The following SMCHD1 variants were observed in gnomAD, a reference collection of about 807,000 sequenced individuals.
The protein encoded by SMCHD1 is structural maintenance of chromosomes flexible hinge domain-containing protein 1.
A neutral mutation model predicts 254.7 loss-of-function variants in SMCHD1; 78 were observed. The ratio of observed to expected loss-of-function variants is 0.31; its 90% CI spans 0.26 to 0.37. The LOEUF (loss-of-function observed/expected upper bound fraction) is 0.37, where lower values mean the gene tolerates loss of function less well. Among genes scored for constraint, SMCHD1 ranks in the 10% least tolerant of loss-of-function variants. SMCHD1 has a pLI of 1.00. For missense variants in SMCHD1, 1,840 were observed against 2,408.1 expected (o/e 0.76, Z 4.94); for synonymous variants, 766 against 794.9 (o/e 0.96, Z 0.61).
At chr18:2,662,462 T>C (rs538978922) in intron 1 of SMCHD1, among the ~76,000 whole-genome samples, 27 of 151,294 alleles carry the variant, frequency 1.8e-4, no homozygotes, top group African/African-American at 6.5e-4. Flanking sequence ...CTGGCCAACG[T>C]GGTGAAACTC....
rs369778016 is a variant in SMCHD1 at position 2,703,775 on chromosome 18, A to G, written c.1731A>G (p.Thr577=). 122 of 1,612,838 alleles carry G rather than the reference A, an allele frequency of 7.6e-5. No homozygotes were observed. The highest frequency in any genetic ancestry group is 1.0e-4 in the Admixed American group (6 of 59,810). The change falls in exon 13 of 48, where the codon ACA becomes ACG. Residue 577 remains threonine (T), a synonymous_variant. Coordinates refer to ENST00000320876, the MANE Select transcript of SMCHD1 (RefSeq NM_015295.3). ...AGTATGATAAACAAATAAAATTTAC[A>G]CTTTTTAAGGGAGTAATTACACGTC... ...HEKYDKQIKF[T]LFKGVITRPD... is the part of the protein sequence containing the mutation.
At chr18:2,673,428 G>A in intron 4 of SMCHD1, 65 bp downstream of exon 4, 1 of 1,017,666 alleles carries the variant, frequency 9.8e-7, no homozygotes, top group Non-Finnish European at 1.4e-6. Flanking sequence ...AAGTTTATTG[G>A]AGAAAATGAG....
In SMCHD1 at chr18:2,732,220, T is replaced by G. The variant is rs116202511; in HGVS notation, c.3049-45T>G. 31,129 of 1,465,522 alleles carry G rather than the reference T, an allele frequency of 0.021. 439 individuals carry two copies. The highest frequency in any genetic ancestry group is 0.074 in the Middle Eastern group (374 of 5,082). The allele number at this position is 1,465,522 out of a possible 1,614,324, so 90.8% of individuals were successfully genotyped here. Reference sequence around the variant, plus strand: ...GTAAATTCTTCAGGAGTGTAAAATTTCAGTACAGATATCACTCAGTGTTTG... The same window carrying G: ...GTAAATTCTTCAGGAGTGTAAAATTGCAGTACAGATATCACTCAGTGTTTG... On this transcript the variant is annotated intron_variant, in intron 24 of 47. Coordinates refer to ENST00000320876, the MANE Select transcript of SMCHD1 (RefSeq NM_015295.3).
intron 25 of SMCHD1, among the ~76,000 whole-genome samples, chr18:2,734,241 G>A (rs923893034): frequency 1.3e-5 from 2 of 152,074 alleles, no homozygotes; most frequent in South Asian, 4.1e-4. Flanking sequence ...GGTAAGTAGT[G>A]GTTTAATAGT....
intron 25 of SMCHD1, among the ~76,000 whole-genome samples, chr18:2,735,304 A>G (rs2075228150): frequency 6.6e-6 from 1 of 152,176 alleles, no homozygotes; most frequent in East Asian, 1.9e-4. Context: ...AATGAGAACC[A>G]TCCATGACAA....
intron 44 of SMCHD1, among the ~76,000 whole-genome samples, chr18:2,780,465 A>G (rs2076139494): frequency 6.6e-6 from 1 of 152,112 alleles, no homozygotes; most frequent in Admixed American, 6.6e-5. Flanking sequence ...ATTTTTATAT[A>G]TCCCGAATTA....
chr18:2,750,539 AATG>A, intron 32 of SMCHD1, 32 bp downstream of exon 32: 1 of 1,535,748 alleles, frequency 6.5e-7, no homozygotes, highest in Non-Finnish European at 8.8e-7. Context: ...ATAAATCTAT[AATG>A]ATAATTTGCT....
intron 7 of SMCHD1, among the ~76,000 whole-genome samples, chr18:2,689,091 A>G (rs2143056023): frequency 6.6e-6 from 1 of 152,310 alleles, no homozygotes; most frequent in Non-Finnish European, 1.5e-5. Context: ...GATTGCTCTT[A>G]CAAGTTTGCA....
chr18:2,731,128 C>A (rs976968940), intron 24 of SMCHD1, among the ~76,000 whole-genome samples: 1 of 152,134 alleles, frequency 6.6e-6, no homozygotes, highest in Non-Finnish European at 1.5e-5. Context: ...AAGTAAGATA[C>A]AACAGAAGAT....
At position 2,795,972 on chromosome 18, in the gene SMCHD1, G is replaced by T. The variant is rs1568408187; in HGVS notation, c.5743G>T (p.Ala1915Ser). The change falls in exon 46 of 48, where the codon GCT becomes TCT. Residue 1915 changes from alanine to serine, a missense_variant. Physicochemically the swap from Ala to Ser is moderately conservative, Grantham distance 99. Coordinates refer to ENST00000320876, the MANE Select transcript of SMCHD1 (RefSeq NM_015295.3). ...AGATCTTCTTCAGCAGTATCGTTCT[G>T]CTGTGTGCAAACTAGACAGTGTGAA... Reference protein sequence around the residue: ...QIDLLQQYRSAVCKLDSVNKD... With the variant: ...QIDLLQQYRSSVCKLDSVNKD... The T allele has an allele frequency of 1.3e-6, 2 of 1,595,856 alleles. No homozygotes were observed. The highest frequency in any genetic ancestry group is 8.5e-7 in the Non-Finnish European group (1 of 1,170,910).
intron 34 of SMCHD1, among the ~76,000 whole-genome samples, chr18:2,756,212 A>G (rs540253119): frequency 1.3e-4 from 20 of 152,312 alleles, no homozygotes; most frequent in African/African-American, 4.8e-4. Context: ...AATTACTGGA[A>G]TAAACCCAAT....
Position 2,718,452 on chromosome 18 carries a change from A to G in SMCHD1, c.2458+18A>G, listed in dbSNP as rs549402675. On this transcript the variant is annotated intron_variant, in intron 19 of 47. Coordinates refer to ENST00000320876, the MANE Select transcript of SMCHD1 (RefSeq NM_015295.3). This position sits in a 1 kb window ranked among gnomAD's most constrained non-coding sequence, Gnocchi z 4.6. ...TGTTAAAGGTAAGCAAAACAGTAAT[A>G]TATAATTATATATGCTAAAGGTGGC... 94 of 1,565,580 alleles carry G rather than the reference A, an allele frequency of 6.0e-5. No homozygotes were observed. The highest frequency in any genetic ancestry group is 8.0e-5 in the Non-Finnish European group (92 of 1,153,276).
chr18:2,726,414 C>A, intron 21 of SMCHD1, 38 bp from the exon 22 acceptor site: 2 of 1,162,570 alleles, frequency 1.7e-6, no homozygotes, highest in South Asian at 1.5e-5. Flanking sequence ...AGTATGTATT[C>A]AGGACTGGGT....
At chr18:2,708,003 G>T in intron 17 of SMCHD1, 83 bp downstream of exon 17, 2 of 848,536 alleles carry the variant, frequency 2.4e-6, no homozygotes, top group South Asian at 5.5e-5. Context: ...AATTATTGAT[G>T]ACCTAGCAAT....
intron 3 of SMCHD1, among the ~76,000 whole-genome samples, chr18:2,671,878 G>A (rs55780480): frequency 0.03 from 4,581 of 152,140 alleles, 239 homozygotes; most frequent in African/African-American, 0.1. Flanking sequence ...GATTACAGGC[G>A]TGAGCCACCG....
chr18:2,673,278 C>T lies in SMCHD1; in HGVS notation c.425-3C>T. On this transcript the variant is annotated splice_region_variant and splice_polypyrimidine_tract_variant and intron_variant, in intron 3 of 47. Coordinates refer to ENST00000320876, the MANE Select transcript of SMCHD1 (RefSeq NM_015295.3). ...TAAGCAATGTTTTCTTGATCTCTTG[C>T]AGCATTTGCTCTTGCGGAATTAATT... The T allele has an allele frequency of 1.3e-6, 2 of 1,591,110 alleles. No homozygotes were observed. Among genetic ancestry groups the T allele is most frequent in the Non-Finnish European group, 1.7e-6 (2 of 1,164,548 alleles).
At position 2,700,728 on chromosome 18, in the gene SMCHD1, G is replaced by A; in HGVS notation, c.1464-7G>A. 1 of 1,607,990 alleles carries A rather than the reference G, an allele frequency of 6.2e-7. No individual in the cohort carries two copies. The highest frequency in any genetic ancestry group is 8.5e-7 in the Non-Finnish European group (1 of 1,177,074). ...CTTTTACTAACTAACATTTTGTTCT[G>A]TTCAAGCTTTGACTGGTGTACTCCT... is the stretch of plus-strand genomic sequence containing the variant. On this transcript the variant is annotated splice_region_variant and splice_polypyrimidine_tract_variant and intron_variant, in intron 11 of 47. Coordinates refer to ENST00000320876, the MANE Select transcript of SMCHD1 (RefSeq NM_015295.3).
chr18:2,751,486 T>A, intron 33 of SMCHD1, 93 bp downstream of exon 33: 1 of 667,780 alleles, frequency 1.5e-6, no homozygotes, highest in Non-Finnish European at 2.5e-6. Context: ...TAATGTTATA[T>A]AAATTTGAGA....
intron 7 of SMCHD1, among the ~76,000 whole-genome samples, chr18:2,688,951 T>C (rs994462853): frequency 4.3e-4 from 66 of 152,298 alleles, no homozygotes; most frequent in African/African-American, 1.5e-3. Context: ...GCTTGTAGGA[T>C]TGTAAGCTTT....
Sources: gnomAD v4.1 joint callset for allele counts (sites outside exome capture counted in the v4.1 genomes callset) on GRCh38, gnomAD v4.1.1 for gene constraint, Gnocchi (gnomAD v3.1) non-coding constraint, MANE v1.5 for transcripts, NCBI Gene and HGNC (gene_info 2026-07-23, HGNC 2026-07-21) for gene names.